The following MTMR14 variants were observed in gnomAD, a reference collection of about 807,000 sequenced individuals.
The protein encoded by MTMR14 is myotubularin related protein 14.
A neutral mutation model predicts 86.3 loss-of-function variants in MTMR14; 48 were observed. That is an observed-to-expected ratio of 0.56 (90% confidence interval 0.44 to 0.71). The LOEUF (loss-of-function observed/expected upper bound fraction) is 0.71, where lower values mean the gene tolerates loss of function less well. MTMR14 is among the 30% of genes least tolerant of loss of function. MTMR14 has a pLI of 0.00. For synonymous variants in MTMR14, 366 were observed against 326.1 expected, an observed-to-expected ratio of 1.12 and a Z score of -1.32; for missense variants, 780 against 834.6, an observed-to-expected ratio of 0.93 and a Z score of 0.81.
At chr3:9,688,661 G>C (rs368893674) in intron 14 of MTMR14, 35 bp from the exon 15 acceptor site, 40 of 1,611,902 alleles carry the variant, frequency 2.5e-5, no homozygotes, top group Admixed American at 3.3e-5. Flanking sequence ...ACCCCAGATA[G>C]ATCTGGAATT....
intron 4 of MTMR14, among the ~76,000 whole-genome samples, 170 bp downstream of exon 4, chr3:9,668,964 C>A (rs986871506): frequency 6.6e-6 from 1 of 151,840 alleles, no homozygotes; most frequent in Non-Finnish European, 1.5e-5. Context: ...ACGGTGAAAC[C>A]CCATCTCTAC....
At chr3:9,676,869 A>G (rs2075598211) in intron 7 of MTMR14, among the ~76,000 whole-genome samples, 1 of 152,232 alleles carries the variant, frequency 6.6e-6, no homozygotes. Context: ...GTCTTCACTA[A>G]AAGCCTGCAA....
chr3:9,670,659 TGGG>T (rs996715147), intron 5 of MTMR14, among the ~76,000 whole-genome samples: 17 of 150,992 alleles, frequency 1.1e-4, no homozygotes, highest in African/African-American at 4.1e-4. Context: ...TGATCATAAA[TGGG>T]GGAAAAGGAG....
chr3:9,665,730 A>ATT (rs759820447), intron 3 of MTMR14, among the ~76,000 whole-genome samples: 39 of 139,502 alleles, frequency 2.8e-4, no homozygotes, highest in Admixed American at 3.6e-4. Flanking sequence ...TTTCATTTTA[A>ATT]TTTTTTTTTT....
chr3:9,651,497 A>T (rs1161367476), intron 1 of MTMR14, among the ~76,000 whole-genome samples: 1 of 152,116 alleles, frequency 6.6e-6, no homozygotes, highest in Non-Finnish European at 1.5e-5. Flanking sequence ...CATAAGTTAC[A>T]CCTCATATTG....
intron 13 of MTMR14, among the ~76,000 whole-genome samples, chr3:9,686,023 C>T (rs892477978): frequency 1.3e-5 from 2 of 152,258 alleles, no homozygotes; most frequent in African/African-American, 2.4e-5. Flanking sequence ...CTCTTTGGCC[C>T]CCACTCCCCC....
At chr3:9,659,508 A>G in intron 2 of MTMR14, 1 of 326,080 alleles carries the variant, frequency 3.1e-6, no homozygotes. Flanking sequence ...CAGTGGCGTG[A>G]TCTCTGCTCA....
intron 3 of MTMR14, among the ~76,000 whole-genome samples, chr3:9,666,801 C>G (rs186146671): frequency 6.6e-6 from 1 of 152,272 alleles, no homozygotes; most frequent in Non-Finnish European, 1.5e-5. Flanking sequence ...CCATTCCTAA[C>G]TAGGTAAATG....
intron 18 of MTMR14, chr3:9,699,861 C>G (rs1315191019): frequency 6.6e-6 from 1 of 152,180 alleles, no homozygotes; most frequent in African/African-American, 2.4e-5. Flanking sequence ...TAAGGAGAAG[C>G]TAAGGCAAGC....
At chr3:9,686,980 T>C (rs1041154969) in intron 13 of MTMR14, among the ~76,000 whole-genome samples, 2 of 152,218 alleles carry the variant, frequency 1.3e-5, no homozygotes, top group Admixed American at 6.5e-5. Context: ...CCCTCACAGC[T>C]CCTCAGCAAG....
chr3:9,677,610 A>C lies in MTMR14; in HGVS notation c.822+223A>C, dbSNP rs1024687939. Among the ~76,000 whole-genome samples, 1 of 151,936 alleles carries C rather than the reference A, an allele frequency of 6.6e-6. No homozygotes were observed. The highest frequency in any genetic ancestry group is 2.4e-5 in the African/African-American group (1 of 41,344). The stretch of plus-strand genomic sequence containing the variant: ...TCCCCCCTTTATTTCTCTTTTGTTT[A>C]AGGGAATTTTTCAGAAACAAGATAG... On this transcript the variant is annotated intron_variant, in intron 8 of 18. Transcript: ENST00000296003. The surrounding 1 kb of genome is among the most constrained non-coding windows in gnomAD (Gnocchi z 4.2).
intron 2 of MTMR14, among the ~76,000 whole-genome samples, chr3:9,654,265 A>G (rs967105330): frequency 2.0e-5 from 3 of 152,212 alleles, no homozygotes; most frequent in African/African-American, 7.2e-5. Context: ...TCTTATTGGT[A>G]ATTCTCTACC....
At chr3:9,653,109 G>A (rs1231398208) in intron 1 of MTMR14, among the ~76,000 whole-genome samples, 2 of 152,110 alleles carry the variant, frequency 1.3e-5, no homozygotes, top group African/African-American at 2.4e-5. Context: ...GTGGTTCTAC[G>A]CACCTGTAAT....
chr3:9,680,213 C>T (rs1021062287), intron 9 of MTMR14, among the ~76,000 whole-genome samples: 3 of 152,190 alleles, frequency 2.0e-5, no homozygotes, highest in South Asian at 2.1e-4. Flanking sequence ...GTTCTTTGCT[C>T]CCACCACATC....
intron 7 of MTMR14, among the ~76,000 whole-genome samples, chr3:9,674,359 C>G (rs532274280): frequency 6.6e-6 from 1 of 152,332 alleles, no homozygotes; most frequent in African/African-American, 2.4e-5. Flanking sequence ...GGCTGTAATT[C>G]AGCCACTTGG....
intron 2 of MTMR14, among the ~76,000 whole-genome samples, chr3:9,658,428 A>C (rs982419138): frequency 6.6e-6 from 1 of 152,248 alleles, no homozygotes; most frequent in Non-Finnish European, 1.5e-5. Context: ...GCTGCTGTGT[A>C]GTAGACCTCA....
intron 9 of MTMR14, among the ~76,000 whole-genome samples, chr3:9,679,463 T>A (rs746709841): frequency 1.3e-5 from 2 of 152,194 alleles, no homozygotes; most frequent in Non-Finnish European, 2.9e-5. Context: ...TTTTTCTCCT[T>A]ATGCAGGTAC....
chr3:9,655,289 C>A (rs2047531385), intron 2 of MTMR14, among the ~76,000 whole-genome samples: 1 of 150,960 alleles, frequency 6.6e-6, no homozygotes, highest in East Asian at 2.0e-4. Flanking sequence ...ATCGCTTGAA[C>A]CCAGGAGGTG....
Position 9,653,767 on chromosome 3 carries a change from C to G in MTMR14, c.306C>G (p.Asp102Glu), listed in dbSNP as rs757260256. 6.2e-7 allele frequency: 1 copy of G among 1,614,144 alleles called. No homozygotes were observed. Among genetic ancestry groups the G allele is most frequent in the South Asian group, 1.1e-5 (1 of 91,084 alleles). Residue 102 changes from aspartate (D) to glutamate (E), a missense_variant and splice_region_variant, in exon 2 of 19, where the codon GAC becomes GAG. Coordinates refer to ENST00000296003, the MANE Select transcript of MTMR14 (RefSeq NM_001077525.3). ...ATGAGAGTTCTGAGAAGGAGAAAGACACGTGAGCATCATGTGACCGTAGTG... is the reference window on the plus strand; with the variant it reads ...ATGAGAGTTCTGAGAAGGAGAAAGAGACGTGAGCATCATGTGACCGTAGTG... ...LEYESSEKEK[D>E]TFESTVQVSK...
Sources: gnomAD v4.1 joint callset for allele counts (sites outside exome capture counted in the v4.1 genomes callset) on GRCh38, gnomAD v4.1.1 for gene constraint, Gnocchi (gnomAD v3.1) non-coding constraint, MANE v1.5 for transcripts, NCBI Gene and HGNC (gene_info 2026-07-23, HGNC 2026-07-21) for gene names.